Variants in GRB10 observed in about 807,000 individuals in gnomAD.
GRB10 encodes growth factor receptor bound protein 10.
A neutral mutation model predicts 80.9 loss-of-function variants in GRB10; 20 were observed. The ratio of observed to expected loss-of-function variants is 0.25; its 90% confidence interval spans 0.17 to 0.36. GRB10 has a LOEUF of 0.36. GRB10 is among the 10% of genes least tolerant of loss of function. The pLI, the probability that GRB10 is intolerant of heterozygous loss-of-function variation, is 1.00. For synonymous variants in GRB10, 291 were observed against 291.5 expected (o/e 1.00, Z 0.02); for missense variants, 548 against 747.7 (o/e 0.73, Z 3.12).
chr7:50,684,467 A>G (rs560025676), intron 5 of GRB10, among the ~76,000 whole-genome samples: 1 of 152,128 alleles, frequency 6.6e-6, no homozygotes, highest in Non-Finnish European at 1.5e-5. Context: ...AAAAGCATGT[A>G]AAGTTTCCTT....
At chr7:50,785,094 AT>A (rs1701060477), upstream of GRB10, among the ~76,000 whole-genome samples, 1 of 152,138 alleles carries the variant, frequency 6.6e-6, no homozygotes, top group Non-Finnish European at 1.5e-5. Context: ...TCCCACCACC[AT>A]CCCCAGCAGC....
chr7:50,691,272 G>A (rs1375641884), intron 5 of GRB10, among the ~76,000 whole-genome samples: 1 of 152,176 alleles, frequency 6.6e-6, no homozygotes, highest in Non-Finnish European at 1.5e-5. Context: ...CTTGGATAAG[G>A]AAGGAGGGCT....
At chr7:50,691,489 C>T (rs1038635484) in intron 5 of GRB10, among the ~76,000 whole-genome samples, 3 of 152,136 alleles carry the variant, frequency 2.0e-5, no homozygotes, top group African/African-American at 4.8e-5. Context: ...GGTTAAAATA[C>T]GAAGCATAAG....
At chr7:50,675,410 C>T (rs1269555073) in intron 5 of GRB10, among the ~76,000 whole-genome samples, 1 of 152,228 alleles carries the variant, frequency 6.6e-6, no homozygotes, top group Non-Finnish European at 1.5e-5. Context: ...GTTTTATGTG[C>T]CAACTTGGCT....
At chr7:50,688,985 C>G (rs1586906149) in intron 5 of GRB10, among the ~76,000 whole-genome samples, 1 of 152,160 alleles carries the variant, frequency 6.6e-6, no homozygotes, top group Non-Finnish European at 1.5e-5. Context: ...ATGCACAGAG[C>G]CTGCTCCTGC....
intron 15 of GRB10, 152 bp downstream of exon 15, chr7:50,605,138 G>A (rs2048304414): frequency 1.5e-6 from 1 of 652,614 alleles, no homozygotes; most frequent in Non-Finnish European, 2.7e-6. Context: ...GGCCTAGAAG[G>A]GCCAACTGCT....
intron 7 of GRB10, among the ~76,000 whole-genome samples, chr7:50,635,317 A>T (rs1340485248): frequency 6.6e-6 from 1 of 152,140 alleles, no homozygotes; most frequent in Non-Finnish European, 1.5e-5. Flanking sequence ...CAGAAAAAGA[A>T]ATTTTTTTAA....
chr7:50,619,369 C>G, intron 8 of GRB10, 84 bp from the exon 9 acceptor site: 1 of 829,804 alleles, frequency 1.2e-6, no homozygotes, highest in East Asian at 2.4e-5. Flanking sequence ...ATTTGTTCAA[C>G]TTTCTATTCT....
chr7:50,764,314 G>T (rs56080719), intron 2 of GRB10, among the ~76,000 whole-genome samples: 7,702 of 152,272 alleles, frequency 0.051, 294 homozygotes, highest in East Asian at 0.19. Flanking sequence ...AGGCTTGCTA[G>T]TGCTGTTCTT....
chr7:50,792,677 G>A, intron 1 of GRB10: 1 of 385,322 alleles, frequency 2.6e-6, no homozygotes, highest in Non-Finnish European at 4.6e-6. Context: ...ACGAGGCTGG[G>A]CCGGCTCGGG....
chr7:50,639,727 C>A (rs1383379919), intron 7 of GRB10, among the ~76,000 whole-genome samples: 1 of 151,666 alleles, frequency 6.6e-6, no homozygotes, highest in East Asian at 1.9e-4. Context: ...TAGGACTTTC[C>A]ACAGTGAACA....
intron 7 of GRB10, among the ~76,000 whole-genome samples, chr7:50,644,293 T>C (rs2056796692): frequency 6.6e-6 from 1 of 152,116 alleles, no homozygotes; most frequent in African/African-American, 2.4e-5. Context: ...ACCTGCCCAG[T>C]GAGGTCCCAC....
chr7:50,694,462 T>G (rs1005809279), intron 5 of GRB10, among the ~76,000 whole-genome samples: 1 of 152,234 alleles, frequency 6.6e-6, no homozygotes, highest in African/African-American at 2.4e-5. Flanking sequence ...AAATGAGTTT[T>G]GGGCTCTCTG....
At chr7:50,773,735 G>A (rs1054639028) in intron 2 of GRB10, among the ~76,000 whole-genome samples, 4 of 152,082 alleles carry the variant, frequency 2.6e-5, no homozygotes, top group Admixed American at 6.5e-5. Flanking sequence ...CTCAAAGATA[G>A]TTATACACCA....
At chr7:50,743,551 C>A (rs1211292983) in intron 3 of GRB10, among the ~76,000 whole-genome samples, 1 of 152,220 alleles carries the variant, frequency 6.6e-6, no homozygotes, top group African/African-American at 2.4e-5. Flanking sequence ...GCAGCATCCC[C>A]ACTCAACCGA....
chr7:50,666,206 A>T (rs1484682707), intron 7 of GRB10, among the ~76,000 whole-genome samples: 1 of 152,194 alleles, frequency 6.6e-6, no homozygotes, highest in Non-Finnish European at 1.5e-5. Context: ...TTCCTCTCAG[A>T]TAGCTCTTCA....
At chr7:50,700,743 A>T (rs373928913) in intron 5 of GRB10, among the ~76,000 whole-genome samples, 2 of 152,190 alleles carry the variant, frequency 1.3e-5, no homozygotes, top group Non-Finnish European at 1.5e-5. Flanking sequence ...GGTGTGTTTT[A>T]AAGTTTCCTC....
At chr7:50,761,304 C>T (rs951672025) in intron 2 of GRB10, among the ~76,000 whole-genome samples, 2 of 152,198 alleles carry the variant, frequency 1.3e-5, no homozygotes, top group Admixed American at 1.3e-4. Context: ...TAAAGTTTCT[C>T]TTCATTTTGA....
rs2046465038 is a variant in GRB10, at chr7:50,595,506, C to G, written c.1569G>C (p.Gln523His). The G allele has an allele frequency of 1.2e-6, 2 of 1,610,690 alleles. No homozygotes were observed. Among genetic ancestry groups the G allele is most frequent in the Non-Finnish European group, 8.5e-7 (1 of 1,177,192 alleles). ...VDGLFLLRDSQSNPKAFVLTL... is the reference protein window; with the variant it reads ...VDGLFLLRDSHSNPKAFVLTL... ...TGAGTACAAATGCCTTTGGATTACT[C>G]TGGCTGTCACGGAGGAGAAAAAGCC... The change falls in exon 18 of 19, where the codon CAG becomes CAC. Residue 523 changes from glutamine to histidine, a missense_variant. Gln to His is a conservative substitution (Grantham distance 24, BLOSUM62 0). This residue lies in a region of GRB10 where 270 missense variants were observed against 433.6 expected (regional missense o/e 0.62). Transcript: ENST00000401949.
Sources: allele counts gnomAD v4.1 joint callset (sites outside exome capture counted in the v4.1 genomes callset), GRCh38; gene constraint gnomAD v4.1.1; regional missense constraint gnomAD v4.1.1; transcripts MANE v1.5; gene names NCBI Gene and HGNC (gene_info 2026-07-23, HGNC 2026-07-21).